Variants in NR1H3 observed in about 807,000 individuals in gnomAD.
NR1H3 encodes oxysterols receptor LXR-alpha.
A neutral mutation model predicts 48.1 loss-of-function variants in NR1H3; 19 were observed. The observed-to-expected ratio is 0.40, with a 90% CI of 0.28 to 0.58. The LOEUF (loss-of-function observed/expected upper bound fraction) is 0.58. Among genes scored for constraint, NR1H3 ranks in the 20% least tolerant of loss-of-function variants. The pLI, the probability that NR1H3 is intolerant of heterozygous loss-of-function variation, is 0.50. For missense variants in NR1H3, 486 were observed against 595.9 expected, an observed-to-expected ratio of 0.82 and a Z score of 1.92; for synonymous variants, 232 against 227.3, an observed-to-expected ratio of 1.02 and a Z score of -0.19.
chr11:47,259,911 G>A lies in NR1H3; in HGVS notation c.164G>A (p.Gly55Glu), dbSNP rs1172880779. Residue 55 changes from glycine to glutamate, a missense_variant, in exon 3 of 10, where the codon GGG becomes GAG. By Grantham distance (98) the Gly-to-Glu change is moderately conservative. Coordinates refer to ENST00000441012, the MANE Select transcript of NR1H3 (RefSeq NM_005693.4). ...RMPHSAGGTA[G>E]VGLEAAEPTA... The stretch of plus-strand genomic sequence containing the variant: ...CCCCACTCTGCTGGGGGTACTGCAG[G>A]GGTGGGGCTGGAGGCTGCAGAGCCC... 1.2e-6 allele frequency: 2 copies of A among 1,610,356 alleles called. No homozygotes were observed. The highest frequency in any genetic ancestry group is 1.7e-5 in the Admixed American group (1 of 59,558).
chr11:47,268,060 A>G (rs1957030680), intron 8 of NR1H3, 34 bp downstream of exon 8: 1 of 1,539,854 alleles, frequency 6.5e-7, no homozygotes, highest in African/African-American at 1.4e-5. Context: ...ACAGCAAGAG[A>G]CTTACACCAA....
At chr11:47,254,781 C>T (rs1239309109), upstream of NR1H3, among the ~76,000 whole-genome samples, 1 of 152,182 alleles carries the variant, frequency 6.6e-6, no homozygotes, top group Non-Finnish European at 1.5e-5. Flanking sequence ...TGTGCTTCCT[C>T]TCATCTTTCA....
chr11:47,252,136 C>G (rs1373687402), intron 1 of NR1H3, among the ~76,000 whole-genome samples: 1 of 151,864 alleles, frequency 6.6e-6, no homozygotes, highest in African/African-American at 2.4e-5. Context: ...ATCAGAATCT[C>G]TGAAGGTGAG....
chr11:47,260,382 A>G, intron 3 of NR1H3, 27 bp from the exon 4 acceptor site: 5 of 1,585,836 alleles, frequency 3.2e-6, no homozygotes, highest in Non-Finnish European at 4.3e-6. Flanking sequence ...CTCGGGGGAG[A>G]GCGTTGAAGC....
At chr11:47,252,415 C>G (rs897839557) in intron 1 of NR1H3, among the ~76,000 whole-genome samples, 4 of 152,010 alleles carry the variant, frequency 2.6e-5, no homozygotes, top group African/African-American at 9.7e-5. Flanking sequence ...GCATGTGCCA[C>G]CACGCCTGGC....
At chr11:47,259,564 C>A (rs538112886) in intron 2 of NR1H3, 26 of 1,466,594 alleles carry the variant, frequency 1.8e-5, no homozygotes, top group African/African-American at 1.4e-4. Flanking sequence ...CTCCAGCCCC[C>A]CAAAGGGACA....
chr11:47,255,617 CTTTCTTTCTTTCTTTCTT>C (rs1955076334), upstream of NR1H3, among the ~76,000 whole-genome samples: 5 of 76,876 alleles, frequency 6.5e-5, no homozygotes, highest in East Asian at 2.9e-4. Flanking sequence ...CTCTCTCTCT[CTTTCTTTCTTTCTTTCTT>C]TCTTTCTTTC....
upstream of NR1H3, among the ~76,000 whole-genome samples, chr11:47,255,539 CTTTTTCTTTCTTTCTTTCTTTCTTTCTT>C (rs1277018736): frequency 9.1e-6 from 1 of 110,482 alleles, no homozygotes; most frequent in Non-Finnish European, 2.2e-5. Context: ...TTCTTTCTTT[CTTTTTCTTTCTTTCTTTCTTTCTTTCTT>C]TCTTTCTTTC....
chr11:47,249,028 C>A, intron 1 of NR1H3: 2 of 1,460,980 alleles, frequency 1.4e-6, no homozygotes, highest in South Asian at 1.4e-5. Flanking sequence ...GCAGACAGGG[C>A]TCGAAGACCT....
At chr11:47,265,843 G>T (rs1052018442) in intron 7 of NR1H3, among the ~76,000 whole-genome samples, 4 of 152,178 alleles carry the variant, frequency 2.6e-5, no homozygotes, top group African/African-American at 9.7e-5. Context: ...CTGCACTCTA[G>T]TCTGGCAACA....
At chr11:47,268,059 GACTT>G (rs371684575) in intron 8 of NR1H3, 33 bp downstream of exon 8, 24 of 1,505,656 alleles carry the variant, frequency 1.6e-5, no homozygotes, top group Non-Finnish European at 2.1e-5. Context: ...AACAGCAAGA[GACTT>G]ACACCAAGGA....
chr11:47,257,599 G>T (rs146975164), upstream of NR1H3: 6 of 959,600 alleles, frequency 6.3e-6, no homozygotes, highest in East Asian at 4.6e-4. Flanking sequence ...GCTCAGTGTC[G>T]CAATTCCGGG....
At chr11:47,253,556 G>A (rs532130943), upstream of NR1H3, among the ~76,000 whole-genome samples, 12 of 152,256 alleles carry the variant, frequency 7.9e-5, no homozygotes, top group South Asian at 4.1e-4. Context: ...CTTCCAGAAC[G>A]GTGAAGGAGG....
intron 8 of NR1H3, 31 bp from the exon 9 acceptor site, chr11:47,268,230 C>A: frequency 6.2e-7 from 1 of 1,603,768 alleles, no homozygotes; most frequent in African/African-American, 1.3e-5. Flanking sequence ...CCTGGCCAGA[C>A]CTGCTCCTCA....
At chr11:47,265,485 A>ATGTG (rs1956366209) in intron 7 of NR1H3, among the ~76,000 whole-genome samples, 1 of 152,188 alleles carries the variant, frequency 6.6e-6, no homozygotes, top group Admixed American at 6.5e-5. Context: ...GACTTTGACA[A>ATGTG]TGTGTATGAG....
rs1236072317 is a variant in NR1H3, at chr11:47,261,397, C to T, written c.656C>T (p.Ala219Val). Residue 219 changes from alanine (A) to valine (V), a missense_variant, in exon 5 of 10, where the codon GCT (alanine) becomes GTT (valine). Ala to Val is a moderately conservative substitution (Grantham distance 64). Coordinates refer to ENST00000441012, the MANE Select transcript of NR1H3 (RefSeq NM_005693.4). ...CTGGGCATGATCGAGAAGCTCGTCG[C>T]TGCCCAGCAACAGTGTAACCGGCGC... ...EQLGMIEKLV[A>V]AQQQCNRRSF... is the part of the protein sequence containing the mutation. The T allele has an allele frequency of 5.0e-6, 8 of 1,614,220 alleles. No homozygotes were observed. The highest frequency in any genetic ancestry group is 6.8e-6 in the Non-Finnish European group (8 of 1,180,046).
At chr11:47,248,596 C>T, upstream of NR1H3, 1 of 1,553,640 alleles carries the variant, frequency 6.4e-7, no homozygotes, top group Non-Finnish European at 8.7e-7. Context: ...GCTGTTCCTT[C>T]CCGAGATCCT....
chr11:47,259,399 C>A, intron 2 of NR1H3, 140 bp downstream of exon 2: 1 of 1,580,126 alleles, frequency 6.3e-7, no homozygotes, highest in Non-Finnish European at 8.6e-7. Context: ...GCTTGCCTCC[C>A]GCCCAGATCA....
chr11:47,248,959 A>T (rs532907382), exon 1 of NR1H3: 28 of 1,528,920 alleles, frequency 1.8e-5, no homozygotes, highest in Non-Finnish European at 2.3e-5. Context: ...GATTGCGTGC[A>T]GGAGGGTCGT....
Sources: gnomAD v4.1 joint callset for allele counts (sites outside exome capture counted in the v4.1 genomes callset) on GRCh38, gnomAD v4.1.1 for gene constraint, MANE v1.5 for transcripts, NCBI Gene and HGNC (gene_info 2026-07-23, HGNC 2026-07-21) for gene names.